Variants in PPM1H observed in about 807,000 individuals in gnomAD.
The protein encoded by PPM1H is protein phosphatase 1H.
PPM1H carries 27 observed loss-of-function variants against 54.9 expected under a neutral mutation model. That is an observed-to-expected ratio of 0.49 (90% CI 0.36 to 0.68). PPM1H has a LOEUF of 0.68. Ranked by LOEUF, PPM1H falls within the 30% of genes least tolerant of loss-of-function variation. PPM1H has a pLI of 0.00. For synonymous variants in PPM1H, 305 were observed against 270.8 expected (o/e 1.13, Z -1.24); for missense variants, 596 against 667.8 (o/e 0.89, Z 1.19).
At chr12:62,668,885 G>A (rs534256659) in intron 8 of PPM1H, among the ~76,000 whole-genome samples, 1 of 152,346 alleles carries the variant, frequency 6.6e-6, no homozygotes, top group South Asian at 2.1e-4. Context: ...GCATGGGGCT[G>A]GTCCTGTGGG....
chr12:62,811,061 C>T (rs2076832304), intron 2 of PPM1H, among the ~76,000 whole-genome samples: 2 of 152,126 alleles, frequency 1.3e-5, no homozygotes, highest in South Asian at 2.1e-4. Context: ...CATGGCATCA[C>T]GTGAGTGGAT....
chr12:62,780,734 G>A (rs967495381), intron 4 of PPM1H, among the ~76,000 whole-genome samples: 5 of 152,070 alleles, frequency 3.3e-5, no homozygotes, highest in African/African-American at 9.7e-5. Flanking sequence ...TGTCTTACTC[G>A]GTTTCATATC....
rs1383496524 is a variant in PPM1H, at chr12:62,646,687, A to ATTCT, written c.*1798_*1801dup. 6.6e-6 allele frequency: 1 copy of ATTCT among 152,412 alleles called. No homozygotes were observed. Among genetic ancestry groups the ATTCT allele is most frequent in the African/African-American group, 2.4e-5 (1 of 41,588 alleles). The allele number at this position is 152,412 out of a possible 1,614,324, so 9.4% of individuals were successfully genotyped here. On this transcript the variant is annotated 3_prime_UTR_variant, in exon 10 of 10. Coordinates refer to ENST00000228705, the MANE Select transcript of PPM1H (RefSeq NM_020700.2). The stretch of plus-strand genomic sequence containing the variant: ...CAACTCCTGACAAGGCCGAAGTCCC[A>ATTCT]TTCTTCCCAGGCCAACACTTGCACA...
In PPM1H at chr12:62,646,413, AG is replaced by A. The variant is rs929912307; in HGVS notation, c.*2075del. 5 of 152,344 alleles carry A rather than the reference AG, an allele frequency of 3.3e-5. No individual in the cohort carries two copies. In the East Asian group the frequency reaches 9.6e-4, roughly 29 times the overall value. 9.4% of individuals were successfully genotyped at this position (152,344 alleles called of 1,614,324 possible). ...AATAAATGAAAGACGGTGGGGACAC[AG>A]GAAGGATCCCAAAGACGGCAGCTCA... On this transcript the variant is annotated 3_prime_UTR_variant, in exon 10 of 10. Coordinates refer to ENST00000228705, the MANE Select transcript of PPM1H (RefSeq NM_020700.2).
At chr12:62,907,802 C>A (rs566210502) in intron 1 of PPM1H, among the ~76,000 whole-genome samples, 268 of 152,228 alleles carry the variant, frequency 1.8e-3, no homozygotes, top group African/African-American at 6.1e-3. Context: ...AGTTTCAGAT[C>A]TGGAAAAAGG....
intron 4 of PPM1H, among the ~76,000 whole-genome samples, chr12:62,776,630 T>C (rs1390389721): frequency 6.6e-6 from 1 of 152,120 alleles, no homozygotes; most frequent in African/African-American, 2.4e-5. Flanking sequence ...CTTCCACAAA[T>C]GGGAAAGCAA....
rs1868906678 is a variant in PPM1H, at chr12:62,844,991, A to G, written c.246-12712T>C. On this transcript the variant is annotated intron_variant, in intron 1 of 9. Coordinates refer to ENST00000228705, the MANE Select transcript of PPM1H (RefSeq NM_020700.2). The surrounding 1 kb of genome is among the most constrained non-coding windows in gnomAD (Gnocchi z 5.2). The stretch of plus-strand genomic sequence containing the variant: ...ATTCTCCAGCAAAGAAGTAGCTGAT[A>G]GATGTCAGAGCCTAGGGTACCTCTT... Among the ~76,000 whole-genome samples, 1 of 152,248 alleles carries G rather than the reference A, an allele frequency of 6.6e-6. No homozygotes were observed. Among genetic ancestry groups the G allele is most frequent in the South Asian group, 2.1e-4 (1 of 4,828 alleles).
In PPM1H at chr12:62,887,052, T is replaced by G. The variant is rs192940565; in HGVS notation, c.245+47440A>C. On this transcript the variant is annotated intron_variant, in intron 1 of 9. Transcript: ENST00000228705. ...GACAGAGAACTGGCCGAAGAATGAA[T>G]GGGGACTCCATTAAGAAGCTGTATA... Among the ~76,000 whole-genome samples the G allele has an allele frequency of 3.1e-3, 476 of 152,224 alleles. 3 individuals are homozygous for G. The highest frequency in any genetic ancestry group is 0.011 in the African/African-American group (462 of 41,548).
intron 1 of PPM1H, among the ~76,000 whole-genome samples, chr12:62,916,623 AT>A (rs1353015800): frequency 0.022 from 3,193 of 147,160 alleles, 69 homozygotes; most frequent in African/African-American, 0.053. Context: ...CACCAAGAGT[AT>A]TTTTTTTTTT....
intron 2 of PPM1H, among the ~76,000 whole-genome samples, chr12:62,826,732 A>G (rs1334356717): frequency 6.6e-6 from 1 of 152,254 alleles, no homozygotes; most frequent in Non-Finnish European, 1.5e-5. Context: ...AGGGGACAAA[A>G]GAGGTCAAGA....
chr12:62,654,659 T>C (rs79518419), intron 9 of PPM1H, among the ~76,000 whole-genome samples: 5,819 of 152,320 alleles, frequency 0.038, 156 homozygotes, highest in Non-Finnish European at 0.055. Flanking sequence ...CTTTTGTCCC[T>C]GGGCTGAATT....
intron 1 of PPM1H, among the ~76,000 whole-genome samples, chr12:62,928,182 T>C (rs1872031513): frequency 6.6e-6 from 1 of 152,218 alleles, no homozygotes; most frequent in African/African-American, 2.4e-5. Flanking sequence ...TCTAATAAAG[T>C]ATAAATAGGG....
At chr12:62,888,561 C>T (rs1018794667) in intron 1 of PPM1H, among the ~76,000 whole-genome samples, 1 of 152,032 alleles carries the variant, frequency 6.6e-6, no homozygotes, top group African/African-American at 2.4e-5. Flanking sequence ...GAGATGCCAA[C>T]ATAAGAAAAG....
At chr12:62,714,588 G>T (rs147864375) in intron 6 of PPM1H, among the ~76,000 whole-genome samples, 1 of 151,956 alleles carries the variant, frequency 6.6e-6, no homozygotes, top group Non-Finnish European at 1.5e-5. Context: ...TTAGAGGTTC[G>T]CAGCAATGGT....
intron 8 of PPM1H, among the ~76,000 whole-genome samples, chr12:62,688,637 A>G (rs531590784): frequency 6.6e-6 from 1 of 152,152 alleles, no homozygotes; most frequent in Non-Finnish European, 1.5e-5. Context: ...ACTTCTCTAA[A>G]CATCAGCTGA....
chr12:62,764,019 T>C (rs1298259016), intron 4 of PPM1H, among the ~76,000 whole-genome samples: 1 of 152,226 alleles, frequency 6.6e-6, no homozygotes, highest in Non-Finnish European at 1.5e-5. Flanking sequence ...TCGATCCAGC[T>C]GCTGCCTTTT....
At chr12:62,780,866 C>G (rs2076637801) in intron 4 of PPM1H, among the ~76,000 whole-genome samples, 1 of 152,244 alleles carries the variant, frequency 6.6e-6, no homozygotes, top group Non-Finnish European at 1.5e-5. Flanking sequence ...CTGTTCTACC[C>G]TAGCTCAGCA....
intron 1 of PPM1H, among the ~76,000 whole-genome samples, chr12:62,925,124 C>T (rs1871934561): frequency 6.6e-6 from 1 of 152,070 alleles, no homozygotes; most frequent in Admixed American, 6.6e-5. Context: ...CAAATTAAAA[C>T]CATGTCTAAT....
chr12:62,873,743 GA>G (rs1161521681), intron 1 of PPM1H, among the ~76,000 whole-genome samples: 1 of 152,186 alleles, frequency 6.6e-6, no homozygotes, highest in Non-Finnish European at 1.5e-5. Flanking sequence ...AGTTTGTGGG[GA>G]CGGGAATAAA....
Sources: allele counts gnomAD v4.1 joint callset (sites outside exome capture counted in the v4.1 genomes callset), GRCh38; gene constraint gnomAD v4.1.1; non-coding constraint Gnocchi (gnomAD v3.1); transcripts MANE v1.5; gene names NCBI Gene and HGNC (gene_info 2026-07-23, HGNC 2026-07-21).